GMCL1: variants seen among roughly 807,000 people sequenced by gnomAD.
GMCL1 encodes the protein germ cell-less 1, spermatogenesis associated, also known as germ cell-less protein-like 1.
GMCL1 carries 54 observed loss-of-function variants against 75.5 expected under a neutral mutation model. The observed-to-expected ratio is 0.71, with a 90% confidence interval of 0.57 to 0.90. GMCL1 has a LOEUF of 0.90. GMCL1 is among the 40% of genes least tolerant of loss of function. GMCL1 has a pLI of 0.00. For missense variants in GMCL1, 537 were observed against 622.7 expected, an observed-to-expected ratio of 0.86 and a Z score of 1.47; for synonymous variants, 210 against 209.6, an observed-to-expected ratio of 1.00 and a Z score of -0.02.
At chr2:69,838,522 G>C (rs1361272272) in intron 2 of GMCL1, among the ~76,000 whole-genome samples, 1 of 151,964 alleles carries the variant, frequency 6.6e-6, no homozygotes, top group Non-Finnish European at 1.5e-5. Context: ...TTTACCATTT[G>C]AGAATAATTA....
intron 8 of GMCL1, among the ~76,000 whole-genome samples, chr2:69,852,419 A>G (rs527709092): frequency 2.6e-4 from 39 of 152,328 alleles, no homozygotes; most frequent in Middle Eastern, 6.8e-3. Context: ...TTGTTTTTCT[A>G]TGAAGATTTT....
chr2:69,880,039 T>TA lies in GMCL1; in HGVS notation c.*1040dup, dbSNP rs1676236681. The TA allele has an allele frequency of 6.6e-6, 1 of 152,220 alleles. No homozygotes were observed. The highest frequency in any genetic ancestry group is 2.1e-4 in the South Asian group (1 of 4,832). The allele number at this position is 152,220 out of a possible 1,614,324, so 9.4% of individuals were successfully genotyped here. On this transcript the variant is annotated 3_prime_UTR_variant, in exon 14 of 14. Transcript: ENST00000282570. Reference sequence around the variant, plus strand: ...GGAGCCTGATGATGAAGCATTAATGTAAAAATGGAACTTATTTTTGTCAAA... The same window carrying TA: ...GGAGCCTGATGATGAAGCATTAATGTAAAAAATGGAACTTATTTTTGTCAAA...
chr2:69,863,369 T>G (rs1675714230), intron 10 of GMCL1, among the ~76,000 whole-genome samples: 1 of 152,220 alleles, frequency 6.6e-6, no homozygotes, highest in Non-Finnish European at 1.5e-5. Context: ...TGCTCACTGC[T>G]GCAGGACTGC....
chr2:69,855,036 G>A (rs1675430832), intron 9 of GMCL1, 76 bp downstream of exon 9: 1 of 1,151,730 alleles, frequency 8.7e-7, no homozygotes. Context: ...AAAAGAACAA[G>A]GAAAGAAGTA....
At chr2:69,848,689 T>A (rs1675223421) in intron 7 of GMCL1, among the ~76,000 whole-genome samples, 1 of 152,216 alleles carries the variant, frequency 6.6e-6, no homozygotes, top group African/African-American at 2.4e-5. Flanking sequence ...TTATTAAAAC[T>A]GCTTTTTGCC....
rs1245658725 is a variant in GMCL1, at chr2:69,879,940, A to G, written c.*936A>G. 2 of 152,204 alleles carry G rather than the reference A, an allele frequency of 1.3e-5. No individual in the cohort carries two copies. The highest frequency in any genetic ancestry group is 2.9e-5 in the Non-Finnish European group (2 of 68,016). 9.4% of individuals were successfully genotyped at this position (152,204 alleles called of 1,614,324 possible). On this transcript the variant is annotated 3_prime_UTR_variant, in exon 14 of 14. Coordinates refer to ENST00000282570, the MANE Select transcript of GMCL1 (RefSeq NM_178439.5). Reference sequence around the variant, plus strand: ...AAGCTCAGGACTTTTTACCCTCTGAATTGAGTGCCTTTGAGTGACACATGC... The same window carrying G: ...AAGCTCAGGACTTTTTACCCTCTGAGTTGAGTGCCTTTGAGTGACACATGC...
intron 10 of GMCL1, among the ~76,000 whole-genome samples, chr2:69,861,864 C>T (rs1377097684): frequency 1.3e-5 from 2 of 152,130 alleles, no homozygotes; most frequent in Non-Finnish European, 2.9e-5. Context: ...GGGAGGATCA[C>T]TTGGGGTCAA....
Position 69,829,772 on chromosome 2 carries a change from G to T in GMCL1, c.-121G>T, listed in dbSNP as rs540942515. 3.3e-4 allele frequency: 370 copies of T among 1,129,498 alleles called. No individual in the cohort carries two copies. The highest frequency in any genetic ancestry group is 4.2e-4 in the Non-Finnish European group (343 of 821,518). The allele number at this position is 1,129,498 out of a possible 1,614,324, so 70.0% of individuals were successfully genotyped here. ...TGTGGCGTCCGCTGCAACGGTTGGG[G>T]CTGCGCGTGAGAAGGTGGCGGTGTA... On this transcript the variant is annotated 5_prime_UTR_variant, in exon 1 of 14. Coordinates refer to ENST00000282570, the MANE Select transcript of GMCL1 (RefSeq NM_178439.5).
chr2:69,869,947 T>TA, intron 12 of GMCL1, 83 bp downstream of exon 12: 2 of 1,390,984 alleles, frequency 1.4e-6, no homozygotes, highest in Non-Finnish European at 2.0e-6. Context: ...ACACCAACAT[T>TA]AGTAGAACTT....
At chr2:69,838,336 C>CAAAAAAAAAAAAAAAAAAAA (rs71397366) in intron 2 of GMCL1, among the ~76,000 whole-genome samples, 1 of 31,536 alleles carries the variant, frequency 3.2e-5, no homozygotes, top group Non-Finnish European at 6.2e-5. Flanking sequence ...GACTCTGTCT[C>CAAAAAAAAAAAAAAAAAAAA]AAAAAAAAAA....
chr2:69,861,360 T>G lies in GMCL1; in HGVS notation c.1142+13T>G. The G allele has an allele frequency of 6.5e-7, 1 of 1,530,746 alleles. No individual in the cohort carries two copies. The highest frequency in any genetic ancestry group is 2.3e-5 in the East Asian group (1 of 44,194). The allele number at this position is 1,530,746 out of a possible 1,614,324, so 94.8% of individuals were successfully genotyped here. A position where few individuals can be genotyped will look rare whatever the true frequency, so the allele number is the denominator to read the frequency against. Reference sequence around the variant, plus strand: ...ACAGTGAGGTGGGGTAAGTATATTATACCTTATCATTTTTCATTAAAAAAA... The same window carrying G: ...ACAGTGAGGTGGGGTAAGTATATTAGACCTTATCATTTTTCATTAAAAAAA... On this transcript the variant is annotated intron_variant, in intron 10 of 13. Transcript: ENST00000282570.
At chr2:69,831,207 C>T (rs370165518) in intron 1 of GMCL1, among the ~76,000 whole-genome samples, 3 of 152,326 alleles carry the variant, frequency 2.0e-5, no homozygotes, top group Admixed American at 6.5e-5. Context: ...GCGTGAGCCA[C>T]TGCGCACCCG....
rs1219877046 is a variant in GMCL1 at position 69,829,687 on chromosome 2, G to A, written c.-206G>A. The stretch of plus-strand genomic sequence containing the variant: ...TTTGTTGCGAAAGCGAGGGGGCGAG[G>A]TGCTGCGGTGCTAGAGCGCGGCGCG... On this transcript the variant is annotated 5_prime_UTR_variant, in exon 1 of 14. The change creates a new upstream start codon in the 5' untranslated region. Transcript: ENST00000282570. 1.8e-6 allele frequency: 1 copy of A among 558,956 alleles called. No homozygotes were observed. The allele number at this position is 558,956 out of a possible 1,614,324, so 34.6% of individuals were successfully genotyped here.
At chr2:69,854,054 C>T (rs1371479237) in intron 8 of GMCL1, among the ~76,000 whole-genome samples, 1 of 151,980 alleles carries the variant, frequency 6.6e-6, no homozygotes, top group African/African-American at 2.4e-5. Flanking sequence ...CCACCCTCCT[C>T]GGCCTCCCAA....
intron 9 of GMCL1, among the ~76,000 whole-genome samples, chr2:69,860,352 A>G (rs1253270747): frequency 6.6e-6 from 1 of 152,076 alleles, no homozygotes; most frequent in Non-Finnish European, 1.5e-5. Context: ...ACACAGGCTT[A>G]TTTTGTGGGA....
intron 13 of GMCL1, among the ~76,000 whole-genome samples, chr2:69,877,766 A>T: frequency 6.6e-6 from 1 of 150,870 alleles, no homozygotes; most frequent in East Asian, 1.9e-4. Flanking sequence ...TCTTTATTCA[A>T]ATTTATCTTC....
At chr2:69,873,090 C>T (rs770179486) in intron 13 of GMCL1, among the ~76,000 whole-genome samples, 5 of 152,048 alleles carry the variant, frequency 3.3e-5, no homozygotes, top group Non-Finnish European at 5.9e-5. Flanking sequence ...GAGCAGCTGC[C>T]GTGGTTGGGG....
rs1047941759 is a variant in GMCL1 at position 69,868,959 on chromosome 2, C to CA, written c.1219-750dup. Among the ~76,000 whole-genome samples, 559 of 138,364 alleles carry CA rather than the reference C, an allele frequency of 4.0e-3. 2 individuals are homozygous for CA. The highest frequency in any genetic ancestry group is 5.5e-3 in the Non-Finnish European group (345 of 63,212). 90.8% of individuals were successfully genotyped at this position (138,364 alleles called of 152,430 possible). A position where few individuals can be genotyped will look rare whatever the true frequency, so the allele number is the denominator to read the frequency against. On this transcript the variant is annotated intron_variant, in intron 11 of 13. Coordinates refer to ENST00000282570, the MANE Select transcript of GMCL1 (RefSeq NM_178439.5). The stretch of plus-strand genomic sequence containing the variant: ...TGAAACCCCGTCTCTACTCAAAATA[C>CA]AAAAAAAAAAGGCCGGGCACAGTGG...
intron 9 of GMCL1, among the ~76,000 whole-genome samples, chr2:69,859,608 C>T (rs895809243): frequency 1.3e-5 from 2 of 151,588 alleles, no homozygotes; most frequent in South Asian, 2.1e-4. Context: ...TGGTGGCAGA[C>T]ACCTATAGTC....
Sources: gnomAD v4.1 joint callset for allele counts (sites outside exome capture counted in the v4.1 genomes callset) on GRCh38, gnomAD v4.1.1 for gene constraint, MANE v1.5 for transcripts, NCBI Gene and HGNC (gene_info 2026-07-23, HGNC 2026-07-21) for gene names.